Variants in STRN observed in about 807,000 individuals in gnomAD.
STRN encodes the protein protein phosphatase 2 regulatory subunit B'''alpha.
STRN carries 53 observed loss-of-function variants against 96.3 expected under a neutral mutation model. The ratio of observed to expected loss-of-function variants is 0.55; its 90% confidence interval spans 0.44 to 0.69. STRN has a LOEUF of 0.69. Among genes scored for constraint, STRN ranks in the 30% least tolerant of loss-of-function variants. The pLI, the probability that STRN is intolerant of heterozygous loss-of-function variation, is 0.00. For synonymous variants in STRN, 428 were observed against 355.9 expected, an observed-to-expected ratio of 1.20 and a Z score of -2.28; for missense variants, 987 against 963.9, an observed-to-expected ratio of 1.02 and a Z score of -0.32.
At position 36,883,966 on chromosome 2, in the gene STRN, C is replaced by T. The variant is rs767090407; in HGVS notation, c.1152G>A (p.Arg384=). The T allele has an allele frequency of 7.0e-7, 1 of 1,425,270 alleles. No individual in the cohort carries two copies. Among genetic ancestry groups the T allele is most frequent in the East Asian group, 2.6e-5 (1 of 37,780 alleles). The allele number at this position is 1,425,270 out of a possible 1,614,324, so 88.3% of individuals were successfully genotyped here. The change falls in exon 9 of 18, where the codon AGG becomes AGA. Residue 384 remains arginine (R), a synonymous_variant. Coordinates refer to ENST00000263918, the MANE Select transcript of STRN (RefSeq NM_003162.4). The part of the protein sequence containing the change: ...VGSPSRPSSS[R]LPEHEINRAD... ...CCCTATTAATTTCATGTTCAGGAAG[C>T]CTGGAGCTGCTGGGTCTGGAAGGTG...
intron 2 of STRN, among the ~76,000 whole-genome samples, chr2:36,918,250 T>G (rs937479957): frequency 6.6e-6 from 1 of 152,176 alleles, no homozygotes; most frequent in Non-Finnish European, 1.5e-5. Flanking sequence ...GACATTCATC[T>G]GACTTGCAGT....
At chr2:36,879,883 G>A (rs978523966) in intron 9 of STRN, among the ~76,000 whole-genome samples, 2 of 151,854 alleles carry the variant, frequency 1.3e-5, no homozygotes, top group African/African-American at 4.8e-5. Context: ...TAATCTTAGT[G>A]TTTTGGGATA....
intron 3 of STRN, among the ~76,000 whole-genome samples, chr2:36,915,230 T>C (rs1376161833): frequency 1.4e-5 from 1 of 71,882 alleles, no homozygotes; most frequent in Non-Finnish European, 2.5e-5. Context: ...ACTGAATACA[T>C]AAATATATAT....
chr2:36,928,619 T>G (rs1179541641), intron 1 of STRN, among the ~76,000 whole-genome samples: 2 of 143,296 alleles, frequency 1.4e-5, no homozygotes, highest in African/African-American at 5.3e-5. Flanking sequence ...ACCACTGCAC[T>G]CCAGCCTGGG....
chr2:36,895,923 CA>C (rs1000193087), intron 6 of STRN, among the ~76,000 whole-genome samples: 2 of 148,914 alleles, frequency 1.3e-5, no homozygotes, highest in South Asian at 2.1e-4. Flanking sequence ...GACTCCATCT[CA>C]AAAAAAAAGA....
Position 36,966,436 on chromosome 2 carries a change from A to G in STRN, c.28T>C (p.Phe10Leu). Residue 10 changes from phenylalanine (F) to leucine (L), a missense_variant, in exon 1 of 18, where the codon TTC becomes CTC. Transcript: ENST00000263918. MDEQAGPGVFFSNNHPGAGG... is the reference protein window; with the variant it reads MDEQAGPGVLFSNNHPGAGG... ...GCGCCCGGGTGGTTGTTGCTGAAGA[A>G]GACGCCGGGACCCGCCTGCTCGTCC... The G allele has an allele frequency of 6.8e-7, 1 of 1,466,594 alleles. No homozygotes were observed. The allele number at this position is 1,466,594 out of a possible 1,614,324, so 90.8% of individuals were successfully genotyped here. A position where few individuals can be genotyped will look rare whatever the true frequency, so the allele number is the denominator to read the frequency against.
chr2:36,877,825 G>A (rs1228705378), intron 10 of STRN, 66 bp downstream of exon 10: 28 of 1,580,452 alleles, frequency 1.8e-5, no homozygotes, highest in Middle Eastern at 1.7e-4. Flanking sequence ...GTGAGCCACC[G>A]CACCCAGCCC....
intron 9 of STRN, among the ~76,000 whole-genome samples, chr2:36,879,395 G>C (rs963287052): frequency 5.3e-5 from 8 of 152,152 alleles, no homozygotes; most frequent in Admixed American, 2.6e-4. Flanking sequence ...GTGTCCATTT[G>C]AACACTTTCA....
chr2:36,961,115 CTTTTTTTT>C (rs551915869), intron 1 of STRN, among the ~76,000 whole-genome samples: 8 of 60,322 alleles, frequency 1.3e-4, no homozygotes, highest in African/African-American at 6.7e-4. Flanking sequence ...CCAGGCTGCA[CTTTTTTTT>C]TTTTTTTTTT....
chr2:36,873,176 A>G (rs997783648), intron 10 of STRN, among the ~76,000 whole-genome samples: 1 of 152,266 alleles, frequency 6.6e-6, no homozygotes. Context: ...AAAATGGAAT[A>G]AAGCGATCCC....
intron 7 of STRN, among the ~76,000 whole-genome samples, chr2:36,888,639 A>ATGTG (rs70946958): frequency 0.038 from 5,487 of 145,152 alleles, 179 homozygotes; most frequent in African/African-American, 0.078. Context: ...TTTAATTTAT[A>ATGTG]TGTGTGTGTG....
At chr2:36,896,664 G>A (rs928599905) in intron 6 of STRN, among the ~76,000 whole-genome samples, 9 of 152,190 alleles carry the variant, frequency 5.9e-5, no homozygotes, top group African/African-American at 2.2e-4. Flanking sequence ...AAGGGGACGT[G>A]GGATTCTTTA....
intron 1 of STRN, among the ~76,000 whole-genome samples, chr2:36,936,365 T>C (rs1186598261): frequency 6.6e-6 from 1 of 152,234 alleles, no homozygotes; most frequent in African/African-American, 2.4e-5. Context: ...TGACACATCA[T>C]CTTTTACTCT....
intron 6 of STRN, among the ~76,000 whole-genome samples, chr2:36,898,556 G>A (rs1572658189): frequency 6.6e-6 from 1 of 152,198 alleles, no homozygotes; most frequent in Non-Finnish European, 1.5e-5. Flanking sequence ...GCACTTTATA[G>A]TTAAACAGAT....
intron 9 of STRN, 146 bp downstream of exon 9, chr2:36,883,786 T>A (rs979630740): frequency 1.3e-6 from 1 of 777,050 alleles, no homozygotes; most frequent in Non-Finnish European, 1.8e-6. Flanking sequence ...CCCTTGAATG[T>A]AAGAAAGCTT....
chr2:36,877,070 A>T (rs897506150), intron 10 of STRN, among the ~76,000 whole-genome samples: 1 of 152,186 alleles, frequency 6.6e-6, no homozygotes, highest in African/African-American at 2.4e-5. Flanking sequence ...TTATAAAACA[A>T]TTATGTTTGG....
At chr2:36,944,908 G>A (rs1420318571) in intron 1 of STRN, among the ~76,000 whole-genome samples, 1 of 152,162 alleles carries the variant, frequency 6.6e-6, no homozygotes, top group Non-Finnish European at 1.5e-5. Context: ...GCTAGATAAT[G>A]CCAAGTGTTA....
intron 12 of STRN, among the ~76,000 whole-genome samples, chr2:36,865,472 T>C (rs182437103): frequency 1.7e-3 from 264 of 152,320 alleles, no homozygotes; most frequent in African/African-American, 5.8e-3. Context: ...CTCAATTTCA[T>C]TCAGTTCAGC....
At position 36,894,008 on chromosome 2, in the gene STRN, T is replaced by C; in HGVS notation, c.821A>G (p.Asp274Gly). 1 of 1,613,248 alleles carries C rather than the reference T, an allele frequency of 6.2e-7. No homozygotes were observed. Among genetic ancestry groups the C allele is most frequent in the Non-Finnish European group, 8.5e-7 (1 of 1,179,816 alleles). Reference protein sequence around the residue: ...STIVRKKALPDSGEDRDTKEA... With the variant: ...STIVRKKALPGSGEDRDTKEA... Reference sequence around the variant, plus strand: ...TTTTGTATCTCGATCTTCACCGCTGTCAGGCAATGCTTTTTTCCTAACAAT... The same window carrying C: ...TTTTGTATCTCGATCTTCACCGCTGCCAGGCAATGCTTTTTTCCTAACAAT... Residue 274 changes from aspartate (D) to glycine (G), a missense_variant, in exon 7 of 18, where the codon GAC becomes GGC. By Grantham distance (94) the Asp-to-Gly change is moderately conservative. Transcript: ENST00000263918.
Sources: allele counts gnomAD v4.1 joint callset (sites outside exome capture counted in the v4.1 genomes callset), GRCh38; gene constraint gnomAD v4.1.1; transcripts MANE v1.5; gene names NCBI Gene and HGNC (gene_info 2026-07-23, HGNC 2026-07-21).